The following BICD1 variants were observed in gnomAD, a reference collection of about 807,000 sequenced individuals.
The protein encoded by BICD1 is BICD cargo adaptor 1, also known as protein bicaudal D homolog 1.
BICD1 carries 35 observed loss-of-function variants against 92.5 expected under a neutral mutation model. That is an observed-to-expected ratio of 0.38 (90% CI 0.29 to 0.50). BICD1 has a LOEUF of 0.50. BICD1 is among the 20% of genes least tolerant of loss of function. The probability of loss-of-function intolerance (pLI) is 0.93; values close to 1 mark genes in which losing one functional copy is unlikely to be tolerated. For missense variants in BICD1, 950 were observed against 1,189.8 expected, an observed-to-expected ratio of 0.80 and a Z score of 2.97; for synonymous variants, 429 against 465.1, an observed-to-expected ratio of 0.92 and a Z score of 1.00.
intron 1 of BICD1, among the ~76,000 whole-genome samples, chr12:32,213,438 C>T (rs917865988): frequency 6.6e-6 from 1 of 152,132 alleles, no homozygotes; most frequent in Middle Eastern, 3.2e-3. Context: ...ATCTGTTGCC[C>T]TGCCTGGAGT....
chr12:32,374,192 C>T (rs6488049), intron 9 of BICD1, among the ~76,000 whole-genome samples: 63,818 of 147,382 alleles, frequency 0.43, 13,729 homozygotes, highest in Middle Eastern at 0.47. Context: ...CCAGCCTGGG[C>T]GACAAAGTGA....
intron 1 of BICD1, among the ~76,000 whole-genome samples, chr12:32,181,256 C>T (rs1944264320): frequency 6.6e-6 from 1 of 151,538 alleles, no homozygotes; most frequent in East Asian, 1.9e-4. Flanking sequence ...CCTGTCTCTA[C>T]TAAAAATACA....
At chr12:32,336,482 T>G (rs1002554097) in intron 6 of BICD1, among the ~76,000 whole-genome samples, 3 of 152,248 alleles carry the variant, frequency 2.0e-5, no homozygotes, top group African/African-American at 7.2e-5. Context: ...CTCTGTCATC[T>G]GGTTGAGAAA....
At chr12:32,216,879 G>A (rs1452772614) in intron 2 of BICD1, among the ~76,000 whole-genome samples, 1 of 152,206 alleles carries the variant, frequency 6.6e-6, no homozygotes, top group Non-Finnish European at 1.5e-5. Context: ...GGGAATGACA[G>A]CCTAGGCGAG....
At chr12:32,290,810 T>G (rs1253969626) in intron 2 of BICD1, among the ~76,000 whole-genome samples, 1 of 152,158 alleles carries the variant, frequency 6.6e-6, no homozygotes, top group East Asian at 1.9e-4. Flanking sequence ...TTCTTGGCTA[T>G]AAATCTTCAC....
intron 2 of BICD1, among the ~76,000 whole-genome samples, chr12:32,281,447 G>A (rs770409260): frequency 7.0e-4 from 107 of 152,028 alleles, no homozygotes; most frequent in Admixed American, 7.9e-4. Flanking sequence ...ATCCTCCTGC[G>A]TCCATCAGCT....
At chr12:32,216,965 A>G (rs1207069586) in intron 2 of BICD1, among the ~76,000 whole-genome samples, 1 of 152,200 alleles carries the variant, frequency 6.6e-6, no homozygotes, top group Non-Finnish European at 1.5e-5. Context: ...GCAGCAAATT[A>G]TGGCTGGTAT....
intron 1 of BICD1, among the ~76,000 whole-genome samples, chr12:32,203,733 T>C (rs541488775): frequency 6.6e-6 from 1 of 152,224 alleles, no homozygotes; most frequent in East Asian, 1.9e-4. Flanking sequence ...CATATGTAAG[T>C]CCCCTCGAGA....
intron 2 of BICD1, among the ~76,000 whole-genome samples, chr12:32,279,712 T>C (rs1392969800): frequency 6.6e-6 from 1 of 152,238 alleles, no homozygotes; most frequent in Non-Finnish European, 1.5e-5. Flanking sequence ...TGGCTTCTAA[T>C]GGAGGCAGGT....
At chr12:32,231,330 A>C (rs1337994511) in intron 2 of BICD1, among the ~76,000 whole-genome samples, 1 of 152,048 alleles carries the variant, frequency 6.6e-6, no homozygotes, top group Non-Finnish European at 1.5e-5. Context: ...AAAAAATACA[A>C]AAATTAGCAG....
At chr12:32,132,959 A>C (rs1942605849) in intron 1 of BICD1, among the ~76,000 whole-genome samples, 1 of 152,152 alleles carries the variant, frequency 6.6e-6, no homozygotes. Context: ...TATATGTTGA[A>C]AGATTTGCTA....
chr12:32,314,926 G>A (rs527554114), intron 4 of BICD1, among the ~76,000 whole-genome samples: 10 of 152,154 alleles, frequency 6.6e-5, no homozygotes, highest in South Asian at 2.1e-4. Flanking sequence ...GACTACAGGC[G>A]CATGCCACTA....
chr12:32,135,320 T>C (rs1468480236), intron 1 of BICD1, among the ~76,000 whole-genome samples: 1 of 149,700 alleles, frequency 6.7e-6, no homozygotes, highest in Admixed American at 6.7e-5. Context: ...ACTTGTGACC[T>C]CAGGTGATCC....
At chr12:32,108,551 A>G in intron 1 of BICD1, 2 of 610,908 alleles carry the variant, frequency 3.3e-6, no homozygotes, top group Non-Finnish European at 5.9e-6. Context: ...CTGTGTGTCA[A>G]GTCCTTATTT....
chr12:32,115,386 G>GTTTTTTTTTTTTTTTTTTTTTTTTTTTT (rs149711623), intron 1 of BICD1, among the ~76,000 whole-genome samples: 3 of 97,746 alleles, frequency 3.1e-5, no homozygotes, highest in African/African-American at 4.0e-5. Context: ...TGGTGTTTTT[G>GTTTTTTTTTTTTTTTTTTTTTTTTTTTT]GTTTTTTTTT....
intron 1 of BICD1, 96 bp downstream of exon 1, chr12:32,107,640 A>G: frequency 7.5e-7 from 1 of 1,335,750 alleles, no homozygotes; most frequent in Non-Finnish European, 1.0e-6. Flanking sequence ...GAGGTGATTG[A>G]AAGGACTGTT....
intron 4 of BICD1, among the ~76,000 whole-genome samples, chr12:32,308,381 AG>A (rs2136223808): frequency 6.6e-6 from 1 of 152,324 alleles, no homozygotes; most frequent in South Asian, 2.1e-4. Flanking sequence ...TCATTCTTAG[AG>A]GACAGCACTT....
intron 4 of BICD1, among the ~76,000 whole-genome samples, chr12:32,306,942 G>A (rs2632349): frequency 0.8 from 120,605 of 150,960 alleles, 48,570 homozygotes; most frequent in Non-Finnish European, 0.84. Flanking sequence ...ACTTGAACCC[G>A]GGAGGTGGAG....
chr12:32,147,821 A>T (rs1565547174), intron 1 of BICD1, among the ~76,000 whole-genome samples: 1 of 152,208 alleles, frequency 6.6e-6, no homozygotes, highest in Non-Finnish European at 1.5e-5. Context: ...CAGTACCCTT[A>T]AGAAAAGTAT....
Sources: gnomAD v4.1 joint callset for allele counts (sites outside exome capture counted in the v4.1 genomes callset) on GRCh38, gnomAD v4.1.1 for gene constraint, MANE v1.5 for transcripts, NCBI Gene and HGNC (gene_info 2026-07-23, HGNC 2026-07-21) for gene names.